NLGN1: variants seen among roughly 807,000 people sequenced by gnomAD.
NLGN1 encodes the protein neuroligin 1.
A neutral mutation model predicts 65.5 loss-of-function variants in NLGN1; 12 were observed. The ratio of observed to expected loss-of-function variants is 0.18; its 90% CI spans 0.12 to 0.30. NLGN1 has a LOEUF of 0.30. Among genes scored for constraint, NLGN1 ranks in the 10% least tolerant of loss-of-function variants. The pLI, the probability that NLGN1 is intolerant of heterozygous loss-of-function variation, is 1.00. For missense variants in NLGN1, 750 were observed against 1,007.1 expected (o/e 0.74, Z 3.46); for synonymous variants, 350 against 359.5 (o/e 0.97, Z 0.30).
At chr3:173,408,135 G>A (rs1430181944) in intron 1 of NLGN1, among the ~76,000 whole-genome samples, 1 of 151,998 alleles carries the variant, frequency 6.6e-6, no homozygotes, top group Non-Finnish European at 1.5e-5. Context: ...GCACAATCCT[G>A]CCTACATATG....
At chr3:174,194,274 T>C (rs1254428080) in intron 4 of NLGN1, among the ~76,000 whole-genome samples, 2 of 151,738 alleles carry the variant, frequency 1.3e-5, no homozygotes, top group East Asian at 1.9e-4. Context: ...CTAGCCAACA[T>C]GGTGAAACTA....
At chr3:174,285,358 A>T (rs1561484983) in exon 7 of NLGN1, 1 of 151,446 alleles carries the variant, frequency 6.6e-6, no homozygotes, top group Non-Finnish European at 1.5e-5. Context: ...AAATTAGATG[A>T]TTTGGTTATA....
intron 2 of NLGN1, among the ~76,000 whole-genome samples, chr3:173,487,572 A>G (rs1436030160): frequency 6.6e-6 from 1 of 152,034 alleles, no homozygotes; most frequent in East Asian, 1.9e-4. Flanking sequence ...TAAAATTGTC[A>G]AATTCCATAT....
chr3:173,736,379 C>CATAT (rs1773749442), intron 3 of NLGN1, among the ~76,000 whole-genome samples: 1 of 151,998 alleles, frequency 6.6e-6, no homozygotes, highest in African/African-American at 2.4e-5. Flanking sequence ...TTAGGAAAAA[C>CATAT]ATATGCACAG....
chr3:173,920,819 C>CAG (rs990963440), intron 4 of NLGN1: 41 of 150,178 alleles, frequency 2.7e-4, no homozygotes, highest in Middle Eastern at 3.1e-3. Context: ...GAGATAGAAA[C>CAG]AGAGAGAGAG....
At chr3:174,070,327 G>A (rs896086158) in intron 4 of NLGN1, among the ~76,000 whole-genome samples, 4 of 147,520 alleles carry the variant, frequency 2.7e-5, no homozygotes, top group African/African-American at 7.8e-5. Context: ...CACTATCTCT[G>A]ACTTTTTGTG....
At chr3:173,418,946 T>C (rs556692598) in intron 1 of NLGN1, among the ~76,000 whole-genome samples, 22 of 151,036 alleles carry the variant, frequency 1.5e-4, no homozygotes, top group Middle Eastern at 6.8e-3. Context: ...CATCACAAAT[T>C]TGTAAACTTC....
chr3:173,694,561 T>C (rs1364303579), intron 3 of NLGN1, among the ~76,000 whole-genome samples: 1 of 152,218 alleles, frequency 6.6e-6, no homozygotes, highest in Non-Finnish European at 1.5e-5. Context: ...ATTTTGTTTG[T>C]TTGTCAGAAT....
In NLGN1 at chr3:173,398,707, A is replaced by G. The variant is rs137938510; in HGVS notation, c.-390+220A>G. On this transcript the variant is annotated intron_variant, in intron 1 of 6. Coordinates refer to ENST00000457714, the Ensembl canonical transcript of NLGN1. ...TTTCCAGGGCCATAGTGATACATAT[A>G]ACACTTGGGAAACGTGAATTCGTAT... Among the ~76,000 whole-genome samples, 24 of 152,334 alleles carry G rather than the reference A, an allele frequency of 1.6e-4. No individual in the cohort carries two copies. In the East Asian group the frequency reaches 4.6e-3, roughly 29 times the overall value.
intron 4 of NLGN1, among the ~76,000 whole-genome samples, chr3:173,968,890 G>A (rs1382987630): frequency 2.0e-5 from 3 of 150,670 alleles, no homozygotes; most frequent in African/African-American, 4.9e-5. Flanking sequence ...TAGTAGAGAC[G>A]GGGTTTTACC....
At chr3:173,886,572 A>T (rs1280980576) in intron 4 of NLGN1, among the ~76,000 whole-genome samples, 1 of 152,130 alleles carries the variant, frequency 6.6e-6, no homozygotes, top group Non-Finnish European at 1.5e-5. Flanking sequence ...CAGCTCTTAA[A>T]TTATAAACTG....
chr3:173,589,934 T>G (rs775238538), intron 2 of NLGN1, among the ~76,000 whole-genome samples: 11 of 152,192 alleles, frequency 7.2e-5, no homozygotes, highest in African/African-American at 2.7e-4. Flanking sequence ...TGGAATACTT[T>G]CTATGCTTGG....
At chr3:174,176,972 G>C (rs184593809) in intron 4 of NLGN1, among the ~76,000 whole-genome samples, 5 of 152,008 alleles carry the variant, frequency 3.3e-5, no homozygotes, top group African/African-American at 1.2e-4. Context: ...ATCAAATAAA[G>C]AGTTACCTGG....
At chr3:173,435,450 A>G (rs1034229915) in intron 2 of NLGN1, among the ~76,000 whole-genome samples, 1 of 152,170 alleles carries the variant, frequency 6.6e-6, no homozygotes, top group Non-Finnish European at 1.5e-5. Context: ...TTTTGATGAT[A>G]TATACATACA....
intron 4 of NLGN1, among the ~76,000 whole-genome samples, chr3:174,269,093 A>G (rs1202289881): frequency 6.6e-6 from 1 of 152,040 alleles, no homozygotes; most frequent in Non-Finnish European, 1.5e-5. Flanking sequence ...TATATGGTGA[A>G]TAATTAAATG....
intron 4 of NLGN1, among the ~76,000 whole-genome samples, chr3:173,856,064 A>G (rs745514254): frequency 6.6e-6 from 1 of 152,092 alleles, no homozygotes; most frequent in Non-Finnish European, 1.5e-5. Context: ...CCCTCTAGCA[A>G]CAACATTTTA....
chr3:173,753,945 A>C (rs892975944), intron 3 of NLGN1, among the ~76,000 whole-genome samples: 7 of 18,958 alleles, frequency 3.7e-4, no homozygotes, highest in African/African-American at 1.1e-3. Flanking sequence ...TAATATAATA[A>C]TAATATAATA....
intron 1 of NLGN1, among the ~76,000 whole-genome samples, chr3:173,425,605 G>T (rs11923980): frequency 0.041 from 6,252 of 152,008 alleles, 423 homozygotes; most frequent in African/African-American, 0.14. Flanking sequence ...GAGACTGTCC[G>T]TTTATGTTCT....
At chr3:173,744,204 T>C (rs1775042946) in intron 3 of NLGN1, among the ~76,000 whole-genome samples, 2 of 152,098 alleles carry the variant, frequency 1.3e-5, no homozygotes, top group African/African-American at 4.8e-5. Context: ...AATAAGAAGA[T>C]TCAACTTGAA....
Sources: allele counts gnomAD v4.1 joint callset (sites outside exome capture counted in the v4.1 genomes callset), GRCh38; gene constraint gnomAD v4.1.1; transcripts MANE v1.5; gene names NCBI Gene and HGNC (gene_info 2026-07-23, HGNC 2026-07-21).